PDCD6IP: variants seen among roughly 807,000 people sequenced by gnomAD.
PDCD6IP encodes the protein programmed cell death 6 interacting protein, also known as programmed cell death 6-interacting protein.
PDCD6IP carries 43 observed loss-of-function variants against 103.7 expected under a neutral mutation model. That is an observed-to-expected ratio of 0.41 (90% CI 0.32 to 0.53). The LOEUF is 0.53. Among genes scored for constraint, PDCD6IP ranks in the 20% least tolerant of loss-of-function variants. The pLI is 0.16. For missense variants in PDCD6IP, 871 were observed against 1,036.7 expected (o/e 0.84, Z 2.20); for synonymous variants, 354 against 378.7 (o/e 0.93, Z 0.76).
At chr3:33,812,442 T>C (rs1696740714) in intron 2 of PDCD6IP, among the ~76,000 whole-genome samples, 2 of 152,240 alleles carry the variant, frequency 1.3e-5, no homozygotes, top group Non-Finnish European at 2.9e-5. Context: ...GGAAGGAAAC[T>C]GCACAATTCA....
chr3:33,826,071 A>G (rs1697116937), intron 5 of PDCD6IP, among the ~76,000 whole-genome samples: 1 of 152,170 alleles, frequency 6.6e-6, no homozygotes, highest in Admixed American at 6.5e-5. Context: ...AAAATAAGAG[A>G]TAAGTCATCA....
At chr3:33,812,198 C>T (rs1696735036) in intron 2 of PDCD6IP, 72 bp downstream of exon 2, 1 of 1,531,980 alleles carries the variant, frequency 6.5e-7, no homozygotes. Flanking sequence ...TCTTCACTGT[C>T]TTTAGAGTTT....
At chr3:33,817,672 G>C (rs1384206140) in intron 3 of PDCD6IP, among the ~76,000 whole-genome samples, 3 of 151,986 alleles carry the variant, frequency 2.0e-5, no homozygotes, top group African/African-American at 7.3e-5. Context: ...AGGATTGCTT[G>C]AGCCTGGGAG....
chr3:33,863,854 T>A, intron 15 of PDCD6IP, 152 bp from the exon 16 acceptor site: 1 of 625,168 alleles, frequency 1.6e-6, no homozygotes. Context: ...CCATAGTCAC[T>A]GTACTAATTT....
chr3:33,855,484 G>A (rs1446027464), intron 15 of PDCD6IP, among the ~76,000 whole-genome samples: 1 of 152,184 alleles, frequency 6.6e-6, no homozygotes, highest in Admixed American at 6.5e-5. Context: ...AGTACAGTGA[G>A]GTCACAGAAA....
At chr3:33,809,165 A>G (rs1031228607) in intron 1 of PDCD6IP, among the ~76,000 whole-genome samples, 1 of 152,234 alleles carries the variant, frequency 6.6e-6, no homozygotes, top group African/African-American at 2.4e-5. Flanking sequence ...GGCACTTACC[A>G]CTGTCTTCTA....
intron 5 of PDCD6IP, among the ~76,000 whole-genome samples, chr3:33,825,787 A>G (rs7610183): frequency 0.22 from 33,382 of 152,122 alleles, 3,998 homozygotes; most frequent in East Asian, 0.39. Context: ...TTTCAGAAAT[A>G]ATTGCTATAA....
Position 33,828,918 on chromosome 3 carries a change from T to C in PDCD6IP, c.783T>C (p.Ser261=), listed in dbSNP as rs376358741. The stretch of plus-strand genomic sequence containing the variant: ...AGGCCAATGCTGAGTACCATCAGTC[T>C]ATCCTGGCAAAACAGCAGAAGAAAT... ...IMQANAEYHQ[S]ILAKQQKKFG... is the part of the protein sequence containing the mutation. Residue 261 remains serine, a synonymous_variant, in exon 7 of 18, where the codon TCT becomes TCC. Transcript: ENST00000307296. 5.3e-5 allele frequency: 86 copies of C among 1,610,670 alleles called. No individual in the cohort carries two copies. Among genetic ancestry groups the C allele is most frequent in the Non-Finnish European group, 7.0e-5 (83 of 1,178,070 alleles).
chr3:33,812,329 A>C (rs1302719528), intron 2 of PDCD6IP, among the ~76,000 whole-genome samples: 2 of 152,208 alleles, frequency 1.3e-5, no homozygotes, highest in Non-Finnish European at 2.9e-5. Flanking sequence ...TCTGGGGCTC[A>C]TGTAGAGCAA....
At chr3:33,802,178 G>A (rs1696489954) in intron 1 of PDCD6IP, among the ~76,000 whole-genome samples, 1 of 152,178 alleles carries the variant, frequency 6.6e-6, no homozygotes, top group Non-Finnish European at 1.5e-5. Flanking sequence ...GGTCCAGGTT[G>A]CAATCATATC....
Position 33,828,902 on chromosome 3 carries a change from C to G in PDCD6IP, c.767C>G (p.Ala256Gly). ...AAKHCIMQAN[A>G]EYHQSILAKQ... ...AAGCACTGTATCATGCAGGCCAATGCTGAGTACCATCAGTCTATCCTGGCA... is the reference window on the plus strand; with the variant it reads ...AAGCACTGTATCATGCAGGCCAATGGTGAGTACCATCAGTCTATCCTGGCA... The change falls in exon 7 of 18, where the codon GCT (alanine) becomes GGT (glycine). Residue 256 changes from alanine to glycine, a missense_variant. Physicochemically the swap from Ala to Gly is moderately conservative, Grantham distance 60. Around this residue, in one of 5 missense-constraint regions of PDCD6IP, gnomAD observed 242 missense variants for 250.7 expected, o/e 0.97. Coordinates refer to ENST00000307296, the MANE Select transcript of PDCD6IP (RefSeq NM_013374.6). 2.5e-6 allele frequency: 4 copies of G among 1,612,124 alleles called. No individual in the cohort carries two copies. The South Asian group carries it at 3.3e-5, about 13-fold the overall frequency.
At chr3:33,830,376 G>C (rs9818273) in intron 7 of PDCD6IP, among the ~76,000 whole-genome samples, 4,494 of 151,872 alleles carry the variant, frequency 0.03, 80 homozygotes, top group African/African-American at 0.053. Context: ...CTGGTTTCTG[G>C]GACTATTAGA....
At chr3:33,808,832 C>T (rs967732306) in intron 1 of PDCD6IP, among the ~76,000 whole-genome samples, 4 of 152,176 alleles carry the variant, frequency 2.6e-5, no homozygotes, top group Admixed American at 2.0e-4. Flanking sequence ...CAGTTGCACT[C>T]AAGGCATCAT....
chr3:33,839,855 A>T (rs1289248039), intron 9 of PDCD6IP, among the ~76,000 whole-genome samples: 1 of 152,240 alleles, frequency 6.6e-6, no homozygotes, highest in East Asian at 1.9e-4. Flanking sequence ...ATTGCTAATG[A>T]TACTGAGCAG....
intron 1 of PDCD6IP, among the ~76,000 whole-genome samples, chr3:33,804,388 T>C (rs183948709): frequency 1.8e-3 from 276 of 152,324 alleles, no homozygotes; most frequent in Middle Eastern, 3.4e-3. Context: ...TGAGATAATA[T>C]TAGCACAATG....
chr3:33,865,357 T>A lies in PDCD6IP; in HGVS notation c.2359T>A (p.Ser787Thr), dbSNP rs1290768517. Residue 787 changes from serine to threonine, a missense_variant, in exon 17 of 18, where the codon TCA becomes ACA. Physicochemically the swap from Ser to Thr is moderately conservative, Grantham distance 58 (BLOSUM62 1). Around this residue, in one of 5 missense-constraint regions of PDCD6IP, gnomAD observed 202 missense variants for 205.2 expected, o/e 0.98. Coordinates refer to ENST00000307296, the MANE Select transcript of PDCD6IP (RefSeq NM_013374.6). Reference sequence around the variant, plus strand: ...GGCTGGGACTGCTGCGCCAGCTCCATCACAAACGCCTGGCTCAGCTCCTCC... The same window carrying A: ...GGCTGGGACTGCTGCGCCAGCTCCAACACAAACGCCTGGCTCAGCTCCTCC... Reference protein sequence around the residue: ...VGAGTAAPAPSQTPGSAPPPQ... With the variant: ...VGAGTAAPAPTQTPGSAPPPQ... 1.9e-6 allele frequency: 3 copies of A among 1,601,652 alleles called. No individual in the cohort carries two copies. Among genetic ancestry groups the A allele is most frequent in the Non-Finnish European group, 2.6e-6 (3 of 1,174,640 alleles).
chr3:33,856,964 C>A (rs1697842731), intron 15 of PDCD6IP, among the ~76,000 whole-genome samples: 1 of 151,684 alleles, frequency 6.6e-6, no homozygotes, highest in South Asian at 2.1e-4. Flanking sequence ...TACCGATGAC[C>A]CTTTCAGCCA....
chr3:33,805,854 C>G (rs1696585081), intron 1 of PDCD6IP, among the ~76,000 whole-genome samples: 1 of 152,096 alleles, frequency 6.6e-6, no homozygotes, highest in African/African-American at 2.4e-5. Flanking sequence ...ACGCCATTCT[C>G]CTGCCTCAGC....
intron 12 of PDCD6IP, among the ~76,000 whole-genome samples, chr3:33,847,301 C>T (rs1023324583): frequency 3.4e-4 from 51 of 152,128 alleles, no homozygotes; most frequent in African/African-American, 1.2e-3. Context: ...TGATATATTG[C>T]TATTTTATTC....
Sources: allele counts gnomAD v4.1 joint callset (sites outside exome capture counted in the v4.1 genomes callset), GRCh38; gene constraint gnomAD v4.1.1; regional missense constraint gnomAD v4.1.1; transcripts MANE v1.5; gene names NCBI Gene and HGNC (gene_info 2026-07-23, HGNC 2026-07-21).